Variants in FBXO8 observed in about 807,000 individuals in gnomAD.
FBXO8 encodes the protein F-box only protein 8.
A neutral mutation model predicts 33.4 loss-of-function variants in FBXO8; 15 were observed. That is an observed-to-expected ratio of 0.45 (90% CI 0.30 to 0.69). The LOEUF (loss-of-function observed/expected upper bound fraction) is 0.69, where lower values mean the gene tolerates loss of function less well. Among genes scored for constraint, FBXO8 ranks in the 30% least tolerant of loss-of-function variants. The pLI is 0.08. For synonymous variants in FBXO8, 132 were observed against 131.5 expected (o/e 1.00, Z -0.02); for missense variants, 274 against 380.3 (o/e 0.72, Z 2.32).
Position 174,263,874 on chromosome 4 carries a change from A to C in FBXO8, c.-8-774T>G, listed in dbSNP as rs1461611421. 2.0e-5 allele frequency among the ~76,000 whole-genome samples: 3 copies of C among 152,254 alleles called. No individual in the cohort carries two copies. The East Asian group carries it at 5.8e-4, about 29-fold the overall frequency. Reference sequence around the variant, plus strand: ...TCTCCCCACTACCATCTGACCTCCCACCAGAGCATTCTACATTTGTCTGTC... The same window carrying C: ...TCTCCCCACTACCATCTGACCTCCCCCCAGAGCATTCTACATTTGTCTGTC... On this transcript the variant is annotated intron_variant, in intron 1 of 5. Coordinates refer to ENST00000393674, the MANE Select transcript of FBXO8 (RefSeq NM_012180.3). The surrounding 1 kb of genome is among the most constrained non-coding windows in gnomAD (Gnocchi z 4.2).
rs1282284312 is a variant in FBXO8 at position 174,255,870 on chromosome 4, T to C, written c.456+3829A>G. 6.6e-6 allele frequency among the ~76,000 whole-genome samples: 1 copy of C among 152,156 alleles called. No individual in the cohort carries two copies. Among genetic ancestry groups the C allele is most frequent in the African/African-American group, 2.4e-5 (1 of 41,446 alleles). ...ACACAACTTGTACATGCAGGGAAAA[T>C]ACAACTTAATGTAAACAGATGGTTT... On this transcript the variant is annotated intron_variant, in intron 3 of 5. Coordinates refer to ENST00000393674, the MANE Select transcript of FBXO8 (RefSeq NM_012180.3). The surrounding 1 kb of genome is among the most constrained non-coding windows in gnomAD (Gnocchi z 4.3).
In FBXO8 at chr4:174,237,813, T is replaced by C. The variant is rs988975457; in HGVS notation, c.773-214A>G. 2.0e-5 allele frequency among the ~76,000 whole-genome samples: 3 copies of C among 152,118 alleles called. No homozygotes were observed. The highest frequency in any genetic ancestry group is 2.9e-5 in the Non-Finnish European group (2 of 67,968). The stretch of plus-strand genomic sequence containing the variant: ...AAACTCAATCCTGAGCAAACCAGGA[T>C]GGTTATCATCCTATCTTAATACTAA... On this transcript the variant is annotated intron_variant, in intron 5 of 5. Coordinates refer to ENST00000393674, the MANE Select transcript of FBXO8 (RefSeq NM_012180.3). The surrounding 1 kb of genome is among the most constrained non-coding windows in gnomAD (Gnocchi z 4.4).
At position 174,270,115 on chromosome 4, in the gene FBXO8, A is replaced by C. The variant is rs1352851246; in HGVS notation, c.-8-7015T>G. On this transcript the variant is annotated intron_variant, in intron 1 of 5. Transcript: ENST00000393674. This position sits in a 1 kb window ranked among gnomAD's most constrained non-coding sequence, Gnocchi z 4.6. ...CTACTGAATGTGGACTGGCAACCAA[A>C]CTGTGCGACCTTGAACACTCAGTGG... is the stretch of plus-strand genomic sequence containing the variant. Among the ~76,000 whole-genome samples, 1 of 152,200 alleles carries C rather than the reference A, an allele frequency of 6.6e-6. No individual in the cohort carries two copies. The highest frequency in any genetic ancestry group is 2.4e-5 in the African/African-American group (1 of 41,442).
Position 174,267,006 on chromosome 4 carries a change from A to G in FBXO8, c.-8-3906T>C, listed in dbSNP as rs1736710167. Among the ~76,000 whole-genome samples the G allele has an allele frequency of 6.6e-6, 1 of 152,188 alleles. No homozygotes were observed. Among genetic ancestry groups the G allele is most frequent in the Non-Finnish European group, 1.5e-5 (1 of 68,032 alleles). On this transcript the variant is annotated intron_variant, in intron 1 of 5. Transcript: ENST00000393674. This position sits in a 1 kb window ranked among gnomAD's most constrained non-coding sequence, Gnocchi z 4.7. ...CTTATTTGTTCATGTTGCTACTTGC[A>G]CAGCTTTGTAGGGCCTCTACACACA...
rs977544364 is a variant in FBXO8 at position 174,255,035 on chromosome 4, G to C, written c.456+4664C>G. Among the ~76,000 whole-genome samples, 1 of 152,086 alleles carries C rather than the reference G, an allele frequency of 6.6e-6. No individual in the cohort carries two copies. Among genetic ancestry groups the C allele is most frequent in the South Asian group, 2.1e-4 (1 of 4,824 alleles). ...AACATCCCCCTTGTTAGATAGTCAC[G>C]ATGTACATCAAAGTATTAACGGCTT... is the stretch of plus-strand genomic sequence containing the variant. On this transcript the variant is annotated intron_variant, in intron 3 of 5. Coordinates refer to ENST00000393674, the MANE Select transcript of FBXO8 (RefSeq NM_012180.3). This position sits in a 1 kb window ranked among gnomAD's most constrained non-coding sequence, Gnocchi z 4.3.
intron 1 of FBXO8, among the ~76,000 whole-genome samples, chr4:174,266,915 T>C (rs1472837980): frequency 6.6e-6 from 1 of 152,190 alleles, no homozygotes; most frequent in African/African-American, 2.4e-5. Flanking sequence ...CAAGTGAAAA[T>C]AAGCACTTTC....
In FBXO8 at chr4:174,272,461, A is replaced by G. The variant is rs959132960; in HGVS notation, c.-8-9361T>C. On this transcript the variant is annotated intron_variant, in intron 1 of 5. Coordinates refer to ENST00000393674, the MANE Select transcript of FBXO8 (RefSeq NM_012180.3). This position sits in a 1 kb window ranked among gnomAD's most constrained non-coding sequence, Gnocchi z 4.7. ...TTTCTATTTTTTTCCAAATAGTTTC[A>G]ATTGTGGTTGGATGACACTGGATGC... Among the ~76,000 whole-genome samples, 3 of 152,172 alleles carry G rather than the reference A, an allele frequency of 2.0e-5. No homozygotes were observed. The highest frequency in any genetic ancestry group is 7.2e-5 in the African/African-American group (3 of 41,430).
In FBXO8 at chr4:174,281,396, A is replaced by G. The variant is rs570115900; in HGVS notation, c.-9+2014T>C. ...TCCAAACCACAAATATTTTTATCTT[A>G]TATTGCTATAAAGTACTTGCACCAG... is the stretch of plus-strand genomic sequence containing the variant. On this transcript the variant is annotated intron_variant, in intron 1 of 5. Coordinates refer to ENST00000393674, the MANE Select transcript of FBXO8 (RefSeq NM_012180.3). This position sits in a 1 kb window ranked among gnomAD's most constrained non-coding sequence, Gnocchi z 4.6. 7.8e-4 allele frequency among the ~76,000 whole-genome samples: 119 copies of G among 152,320 alleles called. No individual in the cohort carries two copies. The South Asian group carries it at 0.011, about 14-fold the overall frequency.
rs1357328386 is a variant in FBXO8, at chr4:174,262,873, A to G, written c.220T>C (p.Leu74=). The stretch of plus-strand genomic sequence containing the variant: ...ATGGTAAAGCTTAGCTCAGGAGGCA[A>G]CATTTCCAAATTAATGAATCCTTCC... ...EQEGFINLEM[L]PPELSFTILS... is the part of the protein sequence containing the mutation. The change falls in exon 2 of 6, where the codon TTG becomes CTG. Residue 74 remains leucine (L), a synonymous_variant. Transcript: ENST00000393674. This position sits in a 1 kb window ranked among gnomAD's most constrained non-coding sequence, Gnocchi z 4.6. The G allele has an allele frequency of 9.9e-6, 16 of 1,613,918 alleles. No homozygotes were observed. The highest frequency in any genetic ancestry group is 1.4e-5 in the Non-Finnish European group (16 of 1,179,942).
Position 174,278,426 on chromosome 4 carries a change from C to T in FBXO8, c.-9+4984G>A, listed in dbSNP as rs1330166073. 6.6e-6 allele frequency among the ~76,000 whole-genome samples: 1 copy of T among 151,816 alleles called. No homozygotes were observed. The highest frequency in any genetic ancestry group is 1.5e-5 in the Non-Finnish European group (1 of 67,890). ...ATAAAAAGTGTTACCAAAATGGCAA[C>T]TAAATAAATGTAAAAATTAAGATGT... On this transcript the variant is annotated intron_variant, in intron 1 of 5. Transcript: ENST00000393674. This position sits in a 1 kb window ranked among gnomAD's most constrained non-coding sequence, Gnocchi z 4.1.
chr4:174,258,639 G>A (rs1455613062), intron 3 of FBXO8, among the ~76,000 whole-genome samples: 1 of 151,686 alleles, frequency 6.6e-6, no homozygotes, highest in Non-Finnish European at 1.5e-5. Flanking sequence ...CTTTGCAATG[G>A]CATTTTATTT....
In FBXO8 at chr4:174,267,777, T is replaced by A. The variant is rs2126442172; in HGVS notation, c.-8-4677A>T. On this transcript the variant is annotated intron_variant, in intron 1 of 5. Coordinates refer to ENST00000393674, the MANE Select transcript of FBXO8 (RefSeq NM_012180.3). The surrounding 1 kb of genome is among the most constrained non-coding windows in gnomAD (Gnocchi z 4.7). The stretch of plus-strand genomic sequence containing the variant: ...TAAAGATTTTAAAACTGAAACATAA[T>A]ATTATAAAAGATATATTACTGTCCT... Among the ~76,000 whole-genome samples the A allele has an allele frequency of 6.6e-6, 1 of 152,324 alleles. No individual in the cohort carries two copies. The highest frequency in any genetic ancestry group is 6.5e-5 in the Admixed American group (1 of 15,296).
At position 174,277,410 on chromosome 4, in the gene FBXO8, G is replaced by A. The variant is rs1437467351; in HGVS notation, c.-9+6000C>T. ...ATAAAGTAGTATTTATTAAGAAAAA[G>A]GTAACTACTGCTTATAATTTCATGG... On this transcript the variant is annotated intron_variant, in intron 1 of 5. Transcript: ENST00000393674. This position sits in a 1 kb window ranked among gnomAD's most constrained non-coding sequence, Gnocchi z 4.9. Among the ~76,000 whole-genome samples, 1 of 152,098 alleles carries A rather than the reference G, an allele frequency of 6.6e-6. No homozygotes were observed. Among genetic ancestry groups the A allele is most frequent in the Non-Finnish European group, 1.5e-5 (1 of 67,984 alleles).
chr4:174,238,348 A>C (rs1735936655), intron 5 of FBXO8, among the ~76,000 whole-genome samples: 1 of 151,966 alleles, frequency 6.6e-6, no homozygotes, highest in African/African-American at 2.4e-5. Context: ...TGCAGTCTTA[A>C]GAAAGCCAAG....
intron 3 of FBXO8, among the ~76,000 whole-genome samples, chr4:174,244,875 T>G (rs1736122860): frequency 6.6e-6 from 1 of 151,806 alleles, no homozygotes; most frequent in African/African-American, 2.4e-5. Context: ...AATTAAAAAT[T>G]TCCTAGTCAT....
chr4:174,244,654 T>G (rs1483609497), intron 3 of FBXO8, among the ~76,000 whole-genome samples: 1 of 151,752 alleles, frequency 6.6e-6, no homozygotes, highest in South Asian at 2.1e-4. Flanking sequence ...AGTACTATCA[T>G]GGGCTGAAAC....
chr4:174,266,675 G>A (rs1486574586), intron 1 of FBXO8, among the ~76,000 whole-genome samples: 1 of 152,144 alleles, frequency 6.6e-6, no homozygotes, highest in Non-Finnish European at 1.5e-5. Flanking sequence ...ACAGACCTGG[G>A]TTTAAATCCT....
Position 174,237,243 on chromosome 4 carries a change from C to A in FBXO8, c.*169G>T. On this transcript the variant is annotated 3_prime_UTR_variant, in exon 6 of 6. Coordinates refer to ENST00000393674, the MANE Select transcript of FBXO8 (RefSeq NM_012180.3). This position sits in a 1 kb window ranked among gnomAD's most constrained non-coding sequence, Gnocchi z 4.4. ...AAATTCTGCAAAATTATTTAGTTCC[C>A]CAAGGAAATTACTAAAATAGAAAAT... 1.8e-6 allele frequency: 1 copy of A among 543,944 alleles called. No individual in the cohort carries two copies. Among genetic ancestry groups the A allele is most frequent in the Non-Finnish European group, 3.1e-6 (1 of 322,532 alleles). 33.7% of individuals were successfully genotyped at this position (543,944 alleles called of 1,614,324 possible).
chr4:174,241,634 A>C lies in FBXO8; in HGVS notation c.457-416T>G, dbSNP rs1736043059. Among the ~76,000 whole-genome samples, 1 of 150,514 alleles carries C rather than the reference A, an allele frequency of 6.6e-6. No individual in the cohort carries two copies. The highest frequency in any genetic ancestry group is 1.5e-5 in the Non-Finnish European group (1 of 67,092). On this transcript the variant is annotated intron_variant, in intron 3 of 5. Transcript: ENST00000393674. This position sits in a 1 kb window ranked among gnomAD's most constrained non-coding sequence, Gnocchi z 4.2. Reference sequence around the variant, plus strand: ...ACATATATATTGCAGTATGCCTTTCAAGGAAAGAGCTTCTTGATAAAAAAA... The same window carrying C: ...ACATATATATTGCAGTATGCCTTTCCAGGAAAGAGCTTCTTGATAAAAAAA...
Sources: allele counts gnomAD v4.1 joint callset (sites outside exome capture counted in the v4.1 genomes callset), GRCh38; gene constraint gnomAD v4.1.1; non-coding constraint Gnocchi (gnomAD v3.1); transcripts MANE v1.5; gene names NCBI Gene and HGNC (gene_info 2026-07-23, HGNC 2026-07-21).